The following ZFHX3 variants were observed in gnomAD, a reference collection of about 807,000 sequenced individuals.
ZFHX3 encodes zinc finger homeobox 3.
A neutral mutation model predicts 279.1 loss-of-function variants in ZFHX3; 42 were observed. That is an observed-to-expected ratio of 0.15 (90% CI 0.12 to 0.19). The LOEUF (loss-of-function observed/expected upper bound fraction) is 0.19. Ranked by LOEUF, ZFHX3 falls within the 10% of genes least tolerant of loss-of-function variation. The pLI is 1.00. For synonymous variants in ZFHX3, 2,293 were observed against 1,957.8 expected, an observed-to-expected ratio of 1.17 and a Z score of -4.52; for missense variants, 4,981 against 4,754.0, an observed-to-expected ratio of 1.05 and a Z score of -1.40.
At chr16:73,041,996 G>T (rs1295577380) in intron 1 of ZFHX3, among the ~76,000 whole-genome samples, 1 of 152,162 alleles carries the variant, frequency 6.6e-6, no homozygotes, top group African/African-American at 2.4e-5. Context: ...ACTTCCACGG[G>T]ACAAAGATGT....
chr16:72,874,198 ATTTTTT>A (rs565664402), intron 4 of ZFHX3, among the ~76,000 whole-genome samples: 26 of 95,160 alleles, frequency 2.7e-4, no homozygotes, highest in African/African-American at 9.0e-4. Context: ...GGATTTTTTG[ATTTTTT>A]TTTTTTTTTT....
At chr16:72,947,580 GAA>G (rs1203020866) in intron 3 of ZFHX3, among the ~76,000 whole-genome samples, 1 of 152,160 alleles carries the variant, frequency 6.6e-6, no homozygotes, top group African/African-American at 2.4e-5. Context: ...AGCCTCGGCT[GAA>G]AGAGAGGTCT....
At chr16:73,356,270 G>A (rs1440608524) in intron 3 of ZFHX3, among the ~76,000 whole-genome samples, 1 of 152,126 alleles carries the variant, frequency 6.6e-6, no homozygotes, top group Non-Finnish European at 1.5e-5. Context: ...TGGTACGGCT[G>A]GCCCGATGAA....
intron 2 of ZFHX3, among the ~76,000 whole-genome samples, chr16:73,654,452 T>C (rs1173202922): frequency 6.6e-6 from 1 of 152,084 alleles, no homozygotes. Context: ...GGAGCTCTTC[T>C]TCAGTTCTTT....
At chr16:73,388,495 C>G (rs555231906) in intron 3 of ZFHX3, among the ~76,000 whole-genome samples, 1 of 152,176 alleles carries the variant, frequency 6.6e-6, no homozygotes. Flanking sequence ...CTGCACTAGC[C>G]GCTTTTGAAA....
chr16:72,973,026 G>A (rs761554496), intron 1 of ZFHX3, among the ~76,000 whole-genome samples: 3 of 152,114 alleles, frequency 2.0e-5, no homozygotes, highest in South Asian at 2.1e-4. Flanking sequence ...CTACTTCTGC[G>A]GTTTCAATTA....
intron 1 of ZFHX3, among the ~76,000 whole-genome samples, chr16:73,874,316 G>A (rs892195688): frequency 7.2e-5 from 11 of 152,006 alleles, no homozygotes; most frequent in Non-Finnish European, 2.9e-5. Flanking sequence ...AAAATTATAC[G>A]GGCAAAATTT....
At chr16:72,789,738 GTCTAC>G (rs1334262672) in intron 9 of ZFHX3, 4 of 152,248 alleles carry the variant, frequency 2.6e-5, no homozygotes, top group African/African-American at 9.6e-5. Context: ...GCTTCAACAA[GTCTAC>G]TCAACAGTAT....
rs565609374 is a variant in ZFHX3 at position 73,780,102 on chromosome 16, T to C, written c.-1607-99862A>G. On this transcript the variant is annotated intron_variant, in intron 1 of 17. Coordinates refer to the ZFHX3 transcript ENST00000641206. ...CTTCCTGTAAACCAGCAAAACTCAC[T>C]GCATTTGAATTTTTTTTTTTTTTTT... 1.5e-4 allele frequency among the ~76,000 whole-genome samples: 19 copies of C among 130,470 alleles called. No individual in the cohort carries two copies. The East Asian group carries it at 4.6e-3, about 31-fold the overall frequency. 85.6% of individuals were successfully genotyped at this position (130,470 alleles called of 152,430 possible).
chr16:73,000,685 C>G (rs1312474681), intron 1 of ZFHX3, among the ~76,000 whole-genome samples: 1 of 152,166 alleles, frequency 6.6e-6, no homozygotes, highest in Admixed American at 6.5e-5. Context: ...GCCAAACACC[C>G]ATTTCCCTCT....
chr16:73,068,709 A>C (rs1965787107), intron 8 of ZFHX3, among the ~76,000 whole-genome samples: 1 of 152,224 alleles, frequency 6.6e-6, no homozygotes, highest in Non-Finnish European at 1.5e-5. Context: ...TCAGATGACC[A>C]ACTGCTCATG....
chr16:73,220,122 G>C (rs1460534100), intron 5 of ZFHX3, among the ~76,000 whole-genome samples: 1 of 151,862 alleles, frequency 6.6e-6, no homozygotes, highest in Non-Finnish European at 1.5e-5. Context: ...AAAAGAAAAA[G>C]AAAAATACGT....
At chr16:72,973,452 G>A (rs931577847) in intron 1 of ZFHX3, 4 of 152,168 alleles carry the variant, frequency 2.6e-5, no homozygotes, top group African/African-American at 7.2e-5. Context: ...CATCATCTCT[G>A]CATTCTGATG....
intron 1 of ZFHX3, among the ~76,000 whole-genome samples, chr16:73,681,123 G>A (rs936834066): frequency 3.3e-5 from 5 of 152,190 alleles, no homozygotes; most frequent in Admixed American, 3.3e-4. Context: ...GTAAAAAAGT[G>A]AAAGTTGAGG....
chr16:73,423,213 T>G (rs961065982), intron 3 of ZFHX3, among the ~76,000 whole-genome samples: 44 of 140,298 alleles, frequency 3.1e-4, no homozygotes, highest in African/African-American at 1.1e-3. Context: ...ACACCACCCT[T>G]TGTTATTCAA....
intron 1 of ZFHX3, among the ~76,000 whole-genome samples, chr16:73,691,532 A>C (rs2053149870): frequency 6.6e-6 from 1 of 152,256 alleles, no homozygotes; most frequent in Non-Finnish European, 1.5e-5. Flanking sequence ...CCGTATTCAA[A>C]ATAGTTGTAA....
intron 2 of ZFHX3, among the ~76,000 whole-genome samples, chr16:73,483,801 T>C (rs963093256): frequency 1.3e-5 from 2 of 152,090 alleles, no homozygotes; most frequent in African/African-American, 4.8e-5. Flanking sequence ...GAGGTGCTGT[T>C]CCCATTAGGA....
At position 73,598,582 on chromosome 16, in the gene ZFHX3, C is replaced by T. The variant is rs577817034; in HGVS notation, c.-1547+81598G>A. Among the ~76,000 whole-genome samples the T allele has an allele frequency of 2.0e-5, 3 of 151,818 alleles. 1 individual carries two copies. The South Asian group carries it at 6.3e-4, about 32-fold the overall frequency. On this transcript the variant is annotated intron_variant, in intron 2 of 17. Coordinates refer to the ZFHX3 transcript ENST00000641206. Reference sequence around the variant, plus strand: ...ACAAGCACGCATCGCCACGCCCGACCAATTTTTAAAATTTTTTTGTAGAGT... The same window carrying T: ...ACAAGCACGCATCGCCACGCCCGACTAATTTTTAAAATTTTTTTGTAGAGT...
chr16:72,839,610 A>T (rs1189130121), intron 4 of ZFHX3, among the ~76,000 whole-genome samples: 1 of 152,202 alleles, frequency 6.6e-6, no homozygotes, highest in Non-Finnish European at 1.5e-5. Context: ...TCTTAAAGAC[A>T]GAAAATTTGA....
Sources: gnomAD v4.1 joint callset for allele counts (sites outside exome capture counted in the v4.1 genomes callset) on GRCh38, gnomAD v4.1.1 for gene constraint, MANE v1.5 for transcripts, NCBI Gene and HGNC (gene_info 2026-07-23, HGNC 2026-07-21) for gene names.